DPF3: variants seen among roughly 807,000 people sequenced by gnomAD.
DPF3 encodes the protein zinc finger protein DPF3.
Under a neutral mutation model 56.8 loss-of-function variants are expected in DPF3, and 18 were observed. That is an observed-to-expected ratio of 0.32 (90% CI 0.22 to 0.47). DPF3 has a LOEUF of 0.47. Among genes scored for constraint, DPF3 ranks in the 20% least tolerant of loss-of-function variants. DPF3 has a pLI of 1.00. For missense variants in DPF3, 403 were observed against 488.8 expected (o/e 0.82, Z 1.65); for synonymous variants, 188 against 180.2 (o/e 1.04, Z -0.35).
chr14:72,723,416 C>G (rs570884275), intron 5 of DPF3, among the ~76,000 whole-genome samples: 1 of 152,282 alleles, frequency 6.6e-6, no homozygotes, highest in Admixed American at 6.5e-5. Flanking sequence ...ACCACCCACT[C>G]AGGGTACCCC....
At chr14:72,667,778 A>G (rs1256380954) in intron 8 of DPF3, among the ~76,000 whole-genome samples, 3 of 152,232 alleles carry the variant, frequency 2.0e-5, no homozygotes, top group Non-Finnish European at 4.4e-5. Context: ...TTACCTTTTA[A>G]AAGCTATATT....
chr14:72,644,057 G>T (rs532217165), intron 8 of DPF3, among the ~76,000 whole-genome samples: 1 of 152,322 alleles, frequency 6.6e-6, no homozygotes, highest in African/African-American at 2.4e-5. Flanking sequence ...AAATGAGGAT[G>T]ATGATGGTGA....
chr14:72,694,924 T>A (rs113604781), intron 6 of DPF3, among the ~76,000 whole-genome samples: 163 of 152,328 alleles, frequency 1.1e-3, no homozygotes, highest in African/African-American at 3.8e-3. Flanking sequence ...TTACGTTGAT[T>A]TCCTAATATT....
intron 3 of DPF3, among the ~76,000 whole-genome samples, chr14:72,735,629 C>G (rs1889860342): frequency 6.6e-6 from 1 of 152,226 alleles, no homozygotes; most frequent in South Asian, 2.1e-4. Flanking sequence ...GTCACAGAGA[C>G]ATGTAGTGGC....
intron 1 of DPF3, among the ~76,000 whole-genome samples, chr14:72,889,106 CAA>C (rs1332831953): frequency 6.6e-6 from 1 of 152,082 alleles, no homozygotes; most frequent in African/African-American, 2.4e-5. Flanking sequence ...TGCATGATTC[CAA>C]AAAGAGGAGG....
At chr14:72,730,419 G>C (rs1275113865) in intron 4 of DPF3, among the ~76,000 whole-genome samples, 2 of 152,296 alleles carry the variant, frequency 1.3e-5, no homozygotes, top group Middle Eastern at 3.4e-3. Context: ...CAACTCAATG[G>C]AAAAGATTTG....
At chr14:72,768,665 T>C (rs1210071644) in intron 2 of DPF3, among the ~76,000 whole-genome samples, 1 of 152,148 alleles carries the variant, frequency 6.6e-6, no homozygotes, top group Non-Finnish European at 1.5e-5. Context: ...GAAGAAATTA[T>C]ATGAATCCCC....
chr14:72,847,943 G>C (rs961480713), intron 1 of DPF3, among the ~76,000 whole-genome samples: 1 of 152,132 alleles, frequency 6.6e-6, no homozygotes, highest in African/African-American at 2.4e-5. Flanking sequence ...TAAGCCAATG[G>C]GATATGAGTG....
At chr14:72,748,362 T>G (rs1481163628) in intron 3 of DPF3, among the ~76,000 whole-genome samples, 1 of 152,180 alleles carries the variant, frequency 6.6e-6, no homozygotes, top group Non-Finnish European at 1.5e-5. Flanking sequence ...TGGAAAAAAT[T>G]TCTAAGCAGC....
At chr14:72,862,044 T>C (rs1208507945) in intron 1 of DPF3, among the ~76,000 whole-genome samples, 1 of 152,194 alleles carries the variant, frequency 6.6e-6, no homozygotes, top group Non-Finnish European at 1.5e-5. Flanking sequence ...CCTAGCACAA[T>C]GCCTCCCATG....
At chr14:72,707,350 G>T (rs578172796) in intron 6 of DPF3, among the ~76,000 whole-genome samples, 87 of 152,238 alleles carry the variant, frequency 5.7e-4, no homozygotes, top group Non-Finnish European at 9.6e-4. Context: ...CCAGTAATGG[G>T]ATGGCTGGGT....
intron 1 of DPF3, among the ~76,000 whole-genome samples, chr14:72,864,450 G>A (rs753735816): frequency 8.5e-5 from 13 of 152,146 alleles, no homozygotes; most frequent in Non-Finnish European, 7.3e-5. Flanking sequence ...TTGTTTTATC[G>A]ACTGCCATAT....
chr14:72,873,894 C>A (rs766986789), intron 1 of DPF3, among the ~76,000 whole-genome samples: 1 of 143,168 alleles, frequency 7.0e-6, no homozygotes, highest in Non-Finnish European at 1.5e-5. Flanking sequence ...GGACACAGGA[C>A]GGGGAACATC....
intron 3 of DPF3, among the ~76,000 whole-genome samples, chr14:72,748,714 C>T (rs2139892024): frequency 6.6e-6 from 1 of 152,224 alleles, no homozygotes; most frequent in South Asian, 2.1e-4. Context: ...GTCCTGTGTC[C>T]CAGCTGCTCC....
chr14:72,852,003 G>A (rs943777969), intron 1 of DPF3, among the ~76,000 whole-genome samples: 10 of 152,242 alleles, frequency 6.6e-5, no homozygotes, highest in Non-Finnish European at 1.0e-4. Flanking sequence ...CTTTCAAGAA[G>A]AACATTATCC....
At chr14:72,778,479 C>T (rs897121276) in intron 1 of DPF3, among the ~76,000 whole-genome samples, 1 of 152,168 alleles carries the variant, frequency 6.6e-6, no homozygotes, top group African/African-American at 2.4e-5. Context: ...GCTCAGAGCT[C>T]CCACTGATTC....
chr14:72,619,806 C>T (rs986201235), intron 10 of DPF3, 97 bp downstream of exon 10: 6 of 1,143,738 alleles, frequency 5.2e-6, no homozygotes, highest in South Asian at 1.9e-5. Context: ...AACATGTAAA[C>T]CCATTAGCAT....
intron 1 of DPF3, chr14:72,773,718 T>C (rs1032539179): frequency 7.1e-6 from 3 of 423,738 alleles, no homozygotes; most frequent in Admixed American, 2.6e-5. Flanking sequence ...AGTCATACAG[T>C]ATTTGTCTTT....
intron 8 of DPF3, among the ~76,000 whole-genome samples, chr14:72,640,046 T>TAAAAAAAA (rs370070354): frequency 7.3e-4 from 33 of 45,264 alleles, no homozygotes; most frequent in African/African-American, 1.1e-3. Context: ...GTTTTCTAAG[T>TAAAAAAAA]AAAAAAAAAA....
Sources: gnomAD v4.1 joint callset for allele counts (sites outside exome capture counted in the v4.1 genomes callset) on GRCh38, gnomAD v4.1.1 for gene constraint, MANE v1.5 for transcripts, NCBI Gene and HGNC (gene_info 2026-07-23, HGNC 2026-07-21) for gene names.